The following AK8 variants were observed in gnomAD, a reference collection of about 807,000 sequenced individuals.
AK8 encodes the protein adenylate kinase 8.
Under a neutral mutation model 54.6 loss-of-function variants are expected in AK8, and 44 were observed. That is an observed-to-expected ratio of 0.81 (90% CI 0.63 to 1.04). AK8 has a LOEUF of 1.04. Ranked by LOEUF, AK8 falls within the 50% of genes least tolerant of loss-of-function variation. The probability of loss-of-function intolerance (pLI) is 0.00; values close to 1 mark genes in which losing one functional copy is unlikely to be tolerated. For synonymous variants in AK8, 239 were observed against 245.6 expected (o/e 0.97, Z 0.25); for missense variants, 555 against 613.6 (o/e 0.90, Z 1.01).
At chr9:132,858,594 A>T (rs556804173) in intron 4 of AK8, among the ~76,000 whole-genome samples, 1 of 152,298 alleles carries the variant, frequency 6.6e-6, no homozygotes, top group African/African-American at 2.4e-5. Context: ...CCTTCTCCAT[A>T]AAGGGGCTCC....
At chr9:132,827,166 G>T in intron 7 of AK8, 112 bp from the exon 8 acceptor site, 1 of 1,097,416 alleles carries the variant, frequency 9.1e-7, no homozygotes. Flanking sequence ...CACATTCCTG[G>T]GGTGTGGCTG....
rs1232716483 is a variant in AK8 at position 132,790,574 on chromosome 9, G to C, written c.1121+2060C>G. On this transcript the variant is annotated intron_variant, in intron 11 of 12. Coordinates refer to ENST00000298545, the MANE Select transcript of AK8 (RefSeq NM_152572.3). This position sits in a 1 kb window ranked among gnomAD's most constrained non-coding sequence, Gnocchi z 4.1. ...CAACTTCTTTAACTTCATACAAATT[G>C]TATGCACTTCAAACCAAAAGCCAGT... Among the ~76,000 whole-genome samples, 1 of 152,156 alleles carries C rather than the reference G, an allele frequency of 6.6e-6. No homozygotes were observed. Among genetic ancestry groups the C allele is most frequent in the African/African-American group, 2.4e-5 (1 of 41,432 alleles).
intron 11 of AK8, among the ~76,000 whole-genome samples, chr9:132,788,067 C>T (rs1256705570): frequency 6.6e-6 from 1 of 151,388 alleles, no homozygotes; most frequent in Non-Finnish European, 1.5e-5. Context: ...ACAGATTACA[C>T]AATATGATGG....
chr9:132,865,213 A>G (rs1843539651), intron 3 of AK8, among the ~76,000 whole-genome samples: 1 of 152,350 alleles, frequency 6.6e-6, no homozygotes, highest in Admixed American at 6.5e-5. Flanking sequence ...ATATGGAGGA[A>G]TCTAATAGAA....
intron 5 of AK8, among the ~76,000 whole-genome samples, chr9:132,839,821 G>GT (rs1842463173): frequency 4.0e-5 from 2 of 49,776 alleles, no homozygotes; most frequent in African/African-American, 1.8e-4. Context: ...TTTTTTTGCC[G>GT]GGGGGGGGGG....
At position 132,840,493 on chromosome 9, in the gene AK8, GA is replaced by G. The variant is rs755410183; in HGVS notation, c.403-11768del. Among the ~76,000 whole-genome samples, 99 of 151,794 alleles carry G rather than the reference GA, an allele frequency of 6.5e-4. 1 individual carries two copies. Among genetic ancestry groups the G allele is most frequent in the Middle Eastern group, 3.4e-3 (1 of 294 alleles). On this transcript the variant is annotated intron_variant, in intron 5 of 12. Coordinates refer to ENST00000298545, the MANE Select transcript of AK8 (RefSeq NM_152572.3). ...AGGAAGGCAGTCTGCAGCTGGCTCG[GA>G]AATTTCACTGATTTTTTTCCTCAGG... is the stretch of plus-strand genomic sequence containing the variant.
chr9:132,824,772 A>C (rs1290799012), intron 8 of AK8, among the ~76,000 whole-genome samples: 1 of 152,218 alleles, frequency 6.6e-6, no homozygotes, highest in Non-Finnish European at 1.5e-5. Flanking sequence ...TTAGAGATGC[A>C]CAGTCCCCTC....
chr9:132,758,616 ATTTT>A (rs571985405), intron 11 of AK8, among the ~76,000 whole-genome samples: 1 of 144,032 alleles, frequency 6.9e-6, no homozygotes, highest in African/African-American at 2.5e-5. Flanking sequence ...GGCCTGGCTA[ATTTT>A]TTTTTTTTCT....
At position 132,821,794 on chromosome 9, in the gene AK8, TATAC is replaced by T. The variant is rs1255389339; in HGVS notation, c.889+1407_889+1410del. On this transcript the variant is annotated intron_variant, in intron 9 of 12. Coordinates refer to ENST00000298545, the MANE Select transcript of AK8 (RefSeq NM_152572.3). ...GTATATGTGTATGTATATACAAATA[TATAC>T]ATATATGTGTATGTATATACAAATA... is the stretch of plus-strand genomic sequence containing the variant. Among the ~76,000 whole-genome samples, 57 of 135,446 alleles carry T rather than the reference TATAC, an allele frequency of 4.2e-4. 1 individual carries two copies. Among genetic ancestry groups the T allele is most frequent in the Non-Finnish European group, 7.1e-4 (45 of 63,648 alleles). 88.9% of individuals were successfully genotyped at this position (135,446 alleles called of 152,430 possible).
Position 132,823,217 on chromosome 9 carries a change from T to C in AK8, c.877A>G (p.Arg293Gly), listed in dbSNP as rs1841726013. The C allele has an allele frequency of 1.2e-5, 19 of 1,584,622 alleles. No individual in the cohort carries two copies. The highest frequency in any genetic ancestry group is 1.7e-4 in the Middle Eastern group (1 of 5,856). Residue 293 changes from arginine (R) to glycine (G), a missense_variant, in exon 9 of 13, where the codon AGG becomes GGG. Physicochemically the swap from Arg to Gly is moderately radical, Grantham distance 125. Coordinates refer to ENST00000298545, the MANE Select transcript of AK8 (RefSeq NM_152572.3). ...LQAALLAQKY[R>G]LVNVCCGQLL... ...CTGGGGCACTCACCATTGACAAGCC[T>C]GTATTTCTGGGCCAGGAGGGCGGCC...
At chr9:132,832,147 TAA>T (rs11284702) in intron 5 of AK8, among the ~76,000 whole-genome samples, 121 of 105,356 alleles carry the variant, frequency 1.1e-3, no homozygotes, top group Non-Finnish European at 1.5e-3. Flanking sequence ...CACTGACATT[TAA>T]AAAAAAAAAA....
chr9:132,854,939 GAC>G lies in AK8; in HGVS notation c.334-16_334-15del. On this transcript the variant is annotated splice_polypyrimidine_tract_variant and intron_variant, in intron 4 of 12. Transcript: ENST00000298545. ...GCTGGGAACTGTCTGAAGGAAAAAG[GAC>G]ACACAGAATGATGGCCCAAACCTGC... 1.2e-6 allele frequency: 2 copies of G among 1,614,010 alleles called. No homozygotes were observed. Among genetic ancestry groups the G allele is most frequent in the Non-Finnish European group, 1.7e-6 (2 of 1,180,000 alleles).
At chr9:132,825,392 T>C (rs1262928529) in intron 8 of AK8, among the ~76,000 whole-genome samples, 1 of 152,222 alleles carries the variant, frequency 6.6e-6, no homozygotes, top group African/African-American at 2.4e-5. Flanking sequence ...TGAACGATCA[T>C]ATGAACTTTT....
intron 5 of AK8, among the ~76,000 whole-genome samples, chr9:132,829,638 C>T (rs17149811): frequency 0.096 from 14,583 of 151,248 alleles, 888 homozygotes; most frequent in African/African-American, 0.15. Flanking sequence ...GGTTTCTACT[C>T]TGCGGCTAAC....
chr9:132,863,739 TGAGGAGACTGC>T lies in AK8; in HGVS notation c.248_258del (p.Ser83AsnfsTer9). The T allele has an allele frequency of 6.2e-7, 1 of 1,614,058 alleles. No homozygotes were observed. The highest frequency in any genetic ancestry group is 1.1e-5 in the South Asian group (1 of 91,064). ...TCATTTAAGATCAGGTTCTCCAGGG[TGAGGAGACTGC>T]TGTTCAGATGTTTGCAGAGCCACAT... On this transcript the variant is annotated frameshift_variant, in exon 4 of 13. Coordinates refer to ENST00000298545, the MANE Select transcript of AK8 (RefSeq NM_152572.3). LOFTEE classifies it high-confidence loss of function.
intron 12 of AK8, among the ~76,000 whole-genome samples, chr9:132,727,218 G>A (rs1384633063): frequency 6.6e-6 from 1 of 152,172 alleles, no homozygotes; most frequent in African/African-American, 2.4e-5. Flanking sequence ...GATAGAGTGG[G>A]TGAACATTTC....
intron 5 of AK8, among the ~76,000 whole-genome samples, chr9:132,833,849 T>A (rs1443991641): frequency 6.6e-6 from 1 of 152,242 alleles, no homozygotes; most frequent in Non-Finnish European, 1.5e-5. Flanking sequence ...TCCTGACTAT[T>A]ATTAAAGCGC....
chr9:132,863,262 AC>A (rs1843459006), intron 4 of AK8, among the ~76,000 whole-genome samples: 1 of 152,242 alleles, frequency 6.6e-6, no homozygotes, highest in Non-Finnish European at 1.5e-5. Context: ...GGACAGCTGG[AC>A]AGCTGCCCTT....
intron 11 of AK8, among the ~76,000 whole-genome samples, chr9:132,784,733 G>C (rs1839620189): frequency 6.6e-6 from 1 of 152,124 alleles, no homozygotes; most frequent in African/African-American, 2.4e-5. Context: ...ACATTCTCAA[G>C]TATGCAAAAA....
Sources: allele counts gnomAD v4.1 joint callset (sites outside exome capture counted in the v4.1 genomes callset), GRCh38; gene constraint gnomAD v4.1.1; non-coding constraint Gnocchi (gnomAD v3.1); transcripts MANE v1.5; gene names NCBI Gene and HGNC (gene_info 2026-07-23, HGNC 2026-07-21).